USP4: variants seen among roughly 807,000 people sequenced by gnomAD.
The protein encoded by USP4 is ubiquitin specific peptidase 4.
USP4 carries 72 observed loss-of-function variants against 118.2 expected under a neutral mutation model. The observed-to-expected ratio is 0.61, with a 90% confidence interval of 0.50 to 0.74. The LOEUF (loss-of-function observed/expected upper bound fraction) is 0.74. Ranked by LOEUF, USP4 falls within the 30% of genes least tolerant of loss-of-function variation. The pLI, the probability that USP4 is intolerant of heterozygous loss-of-function variation, is 0.00. For missense variants in USP4, 1,037 were observed against 1,185.7 expected (o/e 0.87, Z 1.84); for synonymous variants, 415 against 440.4 (o/e 0.94, Z 0.72).
chr3:49,294,631 A>C (rs952035056), intron 13 of USP4, 33 bp from the exon 14 acceptor site: 3 of 1,597,538 alleles, frequency 1.9e-6, no homozygotes, highest in African/African-American at 2.7e-5. Flanking sequence ...CACTTTTAGC[A>C]GTAGGTCCTT....
intron 6 of USP4, among the ~76,000 whole-genome samples, chr3:49,323,357 C>T (rs573391562): frequency 6.6e-6 from 1 of 151,380 alleles, no homozygotes. Context: ...TAGCTCACTG[C>T]AGCCTCAAAC....
At position 49,310,741 on chromosome 3, in the gene USP4, G is replaced by A; in HGVS notation, c.837-4C>T. 1 of 1,609,136 alleles carries A rather than the reference G, an allele frequency of 6.2e-7. No homozygotes were observed. The highest frequency in any genetic ancestry group is 8.5e-7 in the Non-Finnish European group (1 of 1,175,438). Reference sequence around the variant, plus strand: ...CGAAGCAGAAAAGCCAGATCCACTGGAAAACACAACACACATCAGCAATAA... The same window carrying A: ...CGAAGCAGAAAAGCCAGATCCACTGAAAAACACAACACACATCAGCAATAA... On this transcript the variant is annotated splice_region_variant and splice_polypyrimidine_tract_variant and intron_variant, in intron 7 of 21. Transcript: ENST00000265560.
At chr3:49,298,475 C>A in intron 12 of USP4, 77 bp downstream of exon 12, 1 of 1,458,014 alleles carries the variant, frequency 6.9e-7, no homozygotes, top group Non-Finnish European at 9.6e-7. Flanking sequence ...CAAAAAGTGG[C>A]TTCAAGGTTG....
chr3:49,283,166 C>T (rs1190422960), intron 19 of USP4, among the ~76,000 whole-genome samples: 1 of 151,444 alleles, frequency 6.6e-6, no homozygotes, highest in Admixed American at 6.6e-5. Flanking sequence ...CAGGTGTGCG[C>T]CACCACATCC....
Position 49,302,543 on chromosome 3 carries a change from C to G in USP4, c.1129-1G>C. 1 of 1,612,144 alleles carries G rather than the reference C, an allele frequency of 6.2e-7. No homozygotes were observed. Among genetic ancestry groups the G allele is most frequent in the Non-Finnish European group, 8.5e-7 (1 of 1,179,366 alleles). On this transcript the variant is annotated splice_acceptor_variant, in intron 9 of 21. Transcript: ENST00000265560. LOFTEE classifies it high-confidence loss of function. The stretch of plus-strand genomic sequence containing the variant: ...GAGGAGCAAAACGTCCTACTTGAGT[C>G]TACAACAAAAGCAACTGTATCAGAA...
At chr3:49,339,752 C>A (rs998740516) in intron 1 of USP4, among the ~76,000 whole-genome samples, 172 bp downstream of exon 1, 6 of 152,190 alleles carry the variant, frequency 3.9e-5, no homozygotes, top group African/African-American at 1.4e-4. Context: ...GCCCCGCCTG[C>A]GCTTTCCCAG....
At chr3:49,315,114 A>C (rs558017815) in intron 6 of USP4, among the ~76,000 whole-genome samples, 6 of 152,110 alleles carry the variant, frequency 3.9e-5, no homozygotes, top group African/African-American at 9.6e-5. Context: ...AAAAAAAAAA[A>C]AACTCTATCC....
At chr3:49,302,607 T>C (rs558620898) in intron 9 of USP4, 65 bp from the exon 10 acceptor site, 3 of 1,528,220 alleles carry the variant, frequency 2.0e-6, no homozygotes, top group Admixed American at 1.9e-5. Context: ...CAAAAAAGAA[T>C]TGCCATCAAA....
intron 6 of USP4, among the ~76,000 whole-genome samples, chr3:49,323,826 C>T (rs115081360): frequency 0.011 from 1,603 of 152,242 alleles, 28 homozygotes; most frequent in African/African-American, 0.037. Flanking sequence ...TTAATCACTT[C>T]TTTATCTCCC....
chr3:49,325,512 C>T (rs1289028099), intron 4 of USP4, among the ~76,000 whole-genome samples: 1 of 152,068 alleles, frequency 6.6e-6, no homozygotes, highest in Non-Finnish European at 1.5e-5. Context: ...TTATCATAGA[C>T]AAATGGGCAA....
At chr3:49,311,492 G>A (rs1244682371) in intron 7 of USP4, 22 bp downstream of exon 7, 1 of 1,610,664 alleles carries the variant, frequency 6.2e-7, no homozygotes, top group Non-Finnish European at 8.5e-7. Context: ...AAAGGAAGCA[G>A]AGTGAAAGGA....
intron 15 of USP4, among the ~76,000 whole-genome samples, chr3:49,287,987 T>C (rs2047115943): frequency 6.6e-6 from 1 of 152,108 alleles, no homozygotes; most frequent in South Asian, 2.1e-4. Context: ...CAAAAGGTGG[T>C]GTAAAAGTAA....
At chr3:49,333,637 G>C (rs930548893) in intron 2 of USP4, among the ~76,000 whole-genome samples, 1 of 152,142 alleles carries the variant, frequency 6.6e-6, no homozygotes, top group Admixed American at 6.6e-5. Context: ...AGATGGAATG[G>C]CTGGTTGGTG....
Position 49,277,249 on chromosome 3 carries a change from A to C in USP4, c.*1044T>G, listed in dbSNP as rs1255432531. The C allele has an allele frequency of 1.5e-6, 2 of 1,305,378 alleles. No homozygotes were observed. The highest frequency in any genetic ancestry group is 2.3e-5 in the Admixed American group (1 of 44,006). 80.9% of individuals were successfully genotyped at this position (1,305,378 alleles called of 1,614,324 possible). A position where few individuals can be genotyped will look rare whatever the true frequency, so the allele number is the denominator to read the frequency against. On this transcript the variant is annotated 3_prime_UTR_variant, in exon 22 of 22. Coordinates refer to ENST00000265560, the MANE Select transcript of USP4 (RefSeq NM_003363.4). ...CATGCGCGTGCCCCGCGCAGGCCCCAAACCCCCACGGATTAGGTTGAAGGT... is the reference window on the plus strand; with the variant it reads ...CATGCGCGTGCCCCGCGCAGGCCCCCAACCCCCACGGATTAGGTTGAAGGT...
chr3:49,323,563 C>T (rs573691423), intron 6 of USP4, among the ~76,000 whole-genome samples: 1 of 152,286 alleles, frequency 6.6e-6, no homozygotes, highest in Non-Finnish European at 1.5e-5. Flanking sequence ...CCTACCACAG[C>T]TATTTTATTT....
At position 49,335,478 on chromosome 3, in the gene USP4, G is replaced by A. The variant is rs772761814; in HGVS notation, c.220C>T (p.Leu74=). The A allele has an allele frequency of 2.5e-6, 4 of 1,614,166 alleles. No homozygotes were observed. The highest frequency in any genetic ancestry group is 1.6e-4 in the Middle Eastern group (1 of 6,062). ...GCAACATTTACTATACCTGAAAATAGCCCAGAGTTGTCTATTGGGCCAGGA... is the reference window on the plus strand; with the variant it reads ...GCAACATTTACTATACCTGAAAATAACCCAGAGTTGTCTATTGGGCCAGGA... ...LFPGPIDNSG[L]FSDPESQTLK... Residue 74 remains leucine (L), a synonymous_variant, in exon 2 of 22, where the codon CTA becomes TTA. Transcript: ENST00000265560.
chr3:49,285,972 T>C, intron 16 of USP4, 126 bp downstream of exon 16: 3 of 880,160 alleles, frequency 3.4e-6, no homozygotes, highest in Non-Finnish European at 5.3e-6. Context: ...CCAAGGGTCA[T>C]ACAAGTGCTG....
rs578044684 is a variant in USP4 at position 49,280,624 on chromosome 3, C to T, written c.2644+120G>A. The T allele has an allele frequency of 4.4e-5, 28 of 638,446 alleles. No individual in the cohort carries two copies. The East Asian group carries it at 7.7e-4, about 18-fold the overall frequency. The allele number at this position is 638,446 out of a possible 1,614,324, so 39.5% of individuals were successfully genotyped here. On this transcript the variant is annotated intron_variant, in intron 20 of 21. Transcript: ENST00000265560. ...GGGGAATCAGTATGAAGAAAGCGTG[C>T]AGCATGAAGCCTGTGAAACTGCATA...
chr3:49,327,752 G>C lies in USP4; in HGVS notation c.294C>G (p.Thr98=), dbSNP rs778018903. Reference sequence around the variant, plus strand: ...AGTTTAGTAGTTTATTCCACGCCTCGGTAGGGACCAATACATAGTCCAATT... The same window carrying C: ...AGTTTAGTAGTTTATTCCACGCCTCCGTAGGGACCAATACATAGTCCAATT... ...IDELDYVLVP[T]EAWNKLLNWY... Residue 98 remains threonine, a synonymous_variant, in exon 3 of 22, where the codon ACC becomes ACG. Transcript: ENST00000265560. 1 of 1,613,904 alleles carries C rather than the reference G, an allele frequency of 6.2e-7. No individual in the cohort carries two copies. The highest frequency in any genetic ancestry group is 8.5e-7 in the Non-Finnish European group (1 of 1,179,864).
Sources: gnomAD v4.1 joint callset for allele counts (sites outside exome capture counted in the v4.1 genomes callset) on GRCh38, gnomAD v4.1.1 for gene constraint, MANE v1.5 for transcripts, NCBI Gene and HGNC (gene_info 2026-07-23, HGNC 2026-07-21) for gene names.